Variants in PBX1 observed in about 807,000 individuals in gnomAD.
The protein encoded by PBX1 is PBX homeobox 1, also known as pre-B-cell leukemia transcription factor 1.
PBX1 carries 6 observed loss-of-function variants against 53.4 expected under a neutral mutation model. The observed-to-expected ratio is 0.11, with a 90% confidence interval of 0.06 to 0.22. The LOEUF is 0.22. PBX1 is among the 10% of genes least tolerant of loss of function. PBX1 has a pLI of 1.00. For synonymous variants in PBX1, 204 were observed against 212.3 expected (o/e 0.96, Z 0.34); for missense variants, 251 against 551.4 (o/e 0.46, Z 5.46).
At chr1:164,683,494 G>A (rs919169083) in intron 2 of PBX1, 2 of 152,176 alleles carry the variant, frequency 1.3e-5, no homozygotes, top group East Asian at 1.9e-4. Context: ...GAGGTTAAGT[G>A]CCTTGCCTAA....
chr1:164,577,579 G>A (rs1258340554), intron 2 of PBX1, among the ~76,000 whole-genome samples: 1 of 152,194 alleles, frequency 6.6e-6, no homozygotes, highest in East Asian at 1.9e-4. Context: ...CACTAGGAAA[G>A]ATGTTCTTGA....
chr1:164,826,554 A>C (rs937580319), intron 8 of PBX1, among the ~76,000 whole-genome samples: 4 of 151,934 alleles, frequency 2.6e-5, no homozygotes, highest in African/African-American at 4.8e-5. Context: ...ACAGGTTTGC[A>C]CCACCATGCC....
intron 2 of PBX1, among the ~76,000 whole-genome samples, chr1:164,620,100 G>C (rs879516944): frequency 5.3e-5 from 8 of 152,088 alleles, no homozygotes; most frequent in Non-Finnish European, 1.0e-4. Flanking sequence ...GGCTGAGGTG[G>C]GAGGATCACT....
At chr1:164,590,877 C>T (rs991687546) in intron 2 of PBX1, among the ~76,000 whole-genome samples, 1 of 152,166 alleles carries the variant, frequency 6.6e-6, no homozygotes, top group Non-Finnish European at 1.5e-5. Flanking sequence ...CAAGATCTTA[C>T]TCTGTCACCC....
intron 2 of PBX1, among the ~76,000 whole-genome samples, chr1:164,608,863 C>G (rs972909981): frequency 1.3e-5 from 2 of 152,016 alleles, no homozygotes; most frequent in Non-Finnish European, 2.9e-5. Context: ...ATGATTGGCT[C>G]CCAGAGGCTT....
chr1:164,759,350 T>C (rs1400868569), intron 2 of PBX1, among the ~76,000 whole-genome samples: 3 of 152,100 alleles, frequency 2.0e-5, no homozygotes, highest in Non-Finnish European at 4.4e-5. Flanking sequence ...TCTGCCCTTA[T>C]GTATGCCATT....
chr1:164,592,622 G>A (rs1439575234), intron 2 of PBX1, among the ~76,000 whole-genome samples: 3 of 152,204 alleles, frequency 2.0e-5, no homozygotes, highest in African/African-American at 7.2e-5. Context: ...GGAGTGAAAG[G>A]GAATGGCCTT....
intron 2 of PBX1, among the ~76,000 whole-genome samples, chr1:164,616,122 C>T (rs1657260916): frequency 6.6e-6 from 1 of 152,182 alleles, no homozygotes; most frequent in Admixed American, 6.5e-5. Flanking sequence ...TCTCTCTCCA[C>T]CTCTGGAGTG....
intron 2 of PBX1, among the ~76,000 whole-genome samples, chr1:164,657,719 C>G (rs186864547): frequency 1.3e-5 from 2 of 152,228 alleles, no homozygotes; most frequent in Admixed American, 1.3e-4. Flanking sequence ...GAAAGAAGCC[C>G]CACTTTTCCT....
chr1:164,875,984 A>ATG lies in PBX1; in HGVS notation n.258-23200_258-23199dup, dbSNP rs1347054226. Among the ~76,000 whole-genome samples, 444 of 50,068 alleles carry ATG rather than the reference A, an allele frequency of 8.9e-3. 8 individuals carry two copies. The highest frequency in any genetic ancestry group is 0.046 in the South Asian group (62 of 1,350). 32.8% of individuals were successfully genotyped at this position (50,068 alleles called of 152,430 possible). A position where few individuals can be genotyped will look rare whatever the true frequency, so the allele number is the denominator to read the frequency against. The stretch of plus-strand genomic sequence containing the variant: ...ATGTATACCTATATATATTTGGTGT[A>ATG]TGTGTATATATATATATATATACAC... On this transcript the variant is annotated intron_variant and non_coding_transcript_variant, in intron 2 of 2. Transcript: ENST00000558796.
At chr1:164,724,653 C>T (rs1437880541) in intron 2 of PBX1, among the ~76,000 whole-genome samples, 5 of 138,810 alleles carry the variant, frequency 3.6e-5, no homozygotes, top group Non-Finnish European at 7.6e-5. Flanking sequence ...CACAGATGCC[C>T]ATTGCAATAG....
chr1:164,632,847 A>C (rs1369613769), intron 2 of PBX1, among the ~76,000 whole-genome samples: 1 of 152,204 alleles, frequency 6.6e-6, no homozygotes, highest in Non-Finnish European at 1.5e-5. Flanking sequence ...ACAAAAGGAT[A>C]TAATTAAGGT....
At chr1:164,698,619 C>T (rs1220960599) in intron 2 of PBX1, among the ~76,000 whole-genome samples, 1 of 152,072 alleles carries the variant, frequency 6.6e-6, no homozygotes, top group Non-Finnish European at 1.5e-5. Flanking sequence ...TCTGTGTAGC[C>T]AAACTAAGGG....
At chr1:164,700,383 G>C (rs898207561) in intron 2 of PBX1, 1 of 873,714 alleles carries the variant, frequency 1.1e-6, no homozygotes, top group South Asian at 5.3e-5. Context: ...GGCACATCAA[G>C]GGAGCGTGAG....
chr1:164,692,560 T>G (rs1177604942), intron 2 of PBX1, among the ~76,000 whole-genome samples: 1 of 150,662 alleles, frequency 6.6e-6, no homozygotes, highest in African/African-American at 2.4e-5. Context: ...TATGCAGCAC[T>G]TTATATTTAA....
chr1:164,680,779 T>C (rs1661716743), intron 2 of PBX1: 1 of 152,266 alleles, frequency 6.6e-6, no homozygotes, highest in African/African-American at 2.4e-5. Flanking sequence ...AGAATAAATC[T>C]ATTGCTCTCC....
At chr1:164,846,518 T>C in intron 8 of PBX1, 66 bp from the exon 9 acceptor site, 1 of 1,382,276 alleles carries the variant, frequency 7.2e-7, no homozygotes, top group Non-Finnish European at 1.0e-6. Context: ...TGCCTCATTG[T>C]CATTGTCTGC....
chr1:164,744,834 C>T (rs1311384414), intron 2 of PBX1, among the ~76,000 whole-genome samples: 1 of 150,788 alleles, frequency 6.6e-6, no homozygotes, highest in Non-Finnish European at 1.5e-5. Context: ...TGTCCCAAAC[C>T]TTAGTTGAGC....
At chr1:164,692,939 G>T (rs1205544974) in intron 2 of PBX1, among the ~76,000 whole-genome samples, 1 of 152,148 alleles carries the variant, frequency 6.6e-6, no homozygotes, top group African/African-American at 2.4e-5. Flanking sequence ...GGCAAGACTA[G>T]CCCAGATTGG....
Sources: gnomAD v4.1 joint callset for allele counts (sites outside exome capture counted in the v4.1 genomes callset) on GRCh38, gnomAD v4.1.1 for gene constraint, MANE v1.5 for transcripts, NCBI Gene and HGNC (gene_info 2026-07-23, HGNC 2026-07-21) for gene names.